Variants in LRRC34 observed in about 807,000 individuals in gnomAD.
LRRC34 encodes leucine rich repeat containing 34.
A neutral mutation model predicts 48.5 loss-of-function variants in LRRC34; 44 were observed. The observed-to-expected ratio is 0.91, with a 90% CI of 0.71 to 1.17. The LOEUF is 1.17. Among genes scored for constraint, LRRC34 ranks in the 50% most tolerant of loss-of-function variants. The pLI is 0.00. For synonymous variants in LRRC34, 192 were observed against 197.6 expected, an observed-to-expected ratio of 0.97 and a Z score of 0.24; for missense variants, 502 against 563.0, an observed-to-expected ratio of 0.89 and a Z score of 1.10.
At chr3:169,805,617 G>A (rs1428584925) in intron 5 of LRRC34, among the ~76,000 whole-genome samples, 3 of 152,060 alleles carry the variant, frequency 2.0e-5, no homozygotes, top group Non-Finnish European at 2.9e-5. Context: ...GGGTGAAGTG[G>A]CTCATGCCTG....
Position 169,800,724 on chromosome 3 carries a change from C to T in LRRC34, c.688G>A (p.Val230Ile), listed in dbSNP as rs1393067143. The part of the protein sequence containing the change: ...GMQSVIAFAT[V>I]LTQNQAIKAI... Reference sequence around the variant, plus strand: ...TTAATTGCTTGGTTTTGAGTTAGTACTGTAGCAAATGCTATCACACTTTGC... The same window carrying T: ...TTAATTGCTTGGTTTTGAGTTAGTATTGTAGCAAATGCTATCACACTTTGC... Residue 230 changes from valine (V) to isoleucine (I), a missense_variant, in exon 7 of 11, where the codon GTA becomes ATA. Val to Ile is a conservative substitution (Grantham distance 29). Transcript: ENST00000446859. 22 of 1,535,090 alleles carry T rather than the reference C, an allele frequency of 1.4e-5. No individual in the cohort carries two copies. The highest frequency in any genetic ancestry group is 4.1e-5 in the African/African-American group (3 of 73,008).
Position 169,793,267 on chromosome 3 carries a change from A to G in LRRC34, c.*368T>C, listed in dbSNP as rs1417470178. ...TGAAACCCTTTGAAAGTCACTGGTA[A>G]TTTTCTACCACAAACCTTTTTATTA... On this transcript the variant is annotated 3_prime_UTR_variant, in exon 11 of 11. Transcript: ENST00000446859. Among the ~76,000 whole-genome samples the G allele has an allele frequency of 6.6e-6, 1 of 152,146 alleles. No homozygotes were observed. Among genetic ancestry groups the G allele is most frequent in the Non-Finnish European group, 1.5e-5 (1 of 68,012 alleles).
Position 169,806,481 on chromosome 3 carries a change from C to A in LRRC34, c.528+367G>T, listed in dbSNP as rs116309888. ...TTAGTGACTGCCAGGGGCTGGAGAGCAGGGGGTAGAAAAGATGGAGAGGGA... is the reference window on the plus strand; with the variant it reads ...TTAGTGACTGCCAGGGGCTGGAGAGAAGGGGGTAGAAAAGATGGAGAGGGA... On this transcript the variant is annotated intron_variant, in intron 5 of 10. Transcript: ENST00000446859. Among the ~76,000 whole-genome samples the A allele has an allele frequency of 4.4e-3, 666 of 150,244 alleles. 2 individuals carry two copies. The highest frequency in any genetic ancestry group is 6.5e-3 in the Non-Finnish European group (443 of 67,744).
At position 169,812,318 on chromosome 3, in the gene LRRC34, G is replaced by A. The variant is rs756927053; in HGVS notation, c.139+92C>T. The A allele has an allele frequency of 2.1e-6, 3 of 1,410,988 alleles. No homozygotes were observed. The highest frequency in any genetic ancestry group is 1.8e-6 in the Non-Finnish European group (2 of 1,082,918). 87.4% of individuals were successfully genotyped at this position (1,410,988 alleles called of 1,614,324 possible). A position where few individuals can be genotyped will look rare whatever the true frequency, so the allele number is the denominator to read the frequency against. ...TCCCGCCTCGACGCCTTGGGCTGGC[G>A]GGCTGCTGGGAGGACTCCTGCCGTG... On this transcript the variant is annotated intron_variant, in intron 1 of 10. Coordinates refer to ENST00000446859, the MANE Select transcript of LRRC34 (RefSeq NM_001172779.2). This position sits in a 1 kb window ranked among gnomAD's most constrained non-coding sequence, Gnocchi z 4.3.
At chr3:169,802,671 C>T (rs1779236356) in intron 6 of LRRC34, among the ~76,000 whole-genome samples, 1 of 151,990 alleles carries the variant, frequency 6.6e-6, no homozygotes, top group Non-Finnish European at 1.5e-5. Flanking sequence ...CTGCATCTAC[C>T]ACCTTAAAAA....
At chr3:169,806,084 T>A (rs2108242050) in intron 5 of LRRC34, among the ~76,000 whole-genome samples, 1 of 152,246 alleles carries the variant, frequency 6.6e-6, no homozygotes, top group African/African-American at 2.4e-5. Flanking sequence ...AGGATAGACA[T>A]ACAGATTAAA....
chr3:169,804,191 A>G lies in LRRC34; in HGVS notation c.529-10T>C. 1 of 1,553,282 alleles carries G rather than the reference A, an allele frequency of 6.4e-7. No homozygotes were observed. The highest frequency in any genetic ancestry group is 2.0e-5 in the Admixed American group (1 of 50,980). On this transcript the variant is annotated splice_polypyrimidine_tract_variant and intron_variant, in intron 5 of 10. Transcript: ENST00000446859. ...TCAGAGTCCGATTCTTCTGAAAAGG[A>G]AAAAAAACTTATTTAATAATTGTTA...
intron 6 of LRRC34, among the ~76,000 whole-genome samples, chr3:169,802,234 T>C (rs1779218695): frequency 6.6e-6 from 1 of 152,168 alleles, no homozygotes; most frequent in African/African-American, 2.4e-5. Flanking sequence ...ACAGAAAGCA[T>C]CTGTAAAAAT....
chr3:169,808,039 G>C lies in LRRC34; in HGVS notation c.258-330C>G. The stretch of plus-strand genomic sequence containing the variant: ...TAGACTCACCCAGCTCAGGTTAGGC[G>C]TGGTGGTTCACGCCTGTAATCCCAG... On this transcript the variant is annotated intron_variant, in intron 2 of 10. Transcript: ENST00000446859. 2 of 207,184 alleles carry C rather than the reference G, an allele frequency of 9.7e-6. 1 individual carries two copies. Among genetic ancestry groups the C allele is most frequent in the South Asian group, 2.5e-4 (2 of 7,874 alleles). The allele number at this position is 207,184 out of a possible 1,614,324, so 12.8% of individuals were successfully genotyped here.
intron 4 of LRRC34, 100 bp downstream of exon 4, chr3:169,807,326 A>G (rs1212733660): frequency 3.5e-6 from 4 of 1,132,972 alleles, no homozygotes; most frequent in Non-Finnish European, 5.3e-6. Context: ...CAGAGTCAGG[A>G]CCCTTGACAT....
In LRRC34 at chr3:169,811,663, C is replaced by T. The variant is rs1437507951; in HGVS notation, c.139+747G>A. Among the ~76,000 whole-genome samples the T allele has an allele frequency of 6.6e-5, 10 of 152,204 alleles. 1 individual carries two copies. Among genetic ancestry groups the T allele is most frequent in the Admixed American group, 5.2e-4 (8 of 15,286 alleles). On this transcript the variant is annotated intron_variant, in intron 1 of 10. Transcript: ENST00000446859. ...ACTTAGGAGGTAGATCCCTCCAAAA[C>T]ATGCTTTTCTATACTTAGCCAAGCA...
chr3:169,810,795 T>C (rs1779534750), intron 1 of LRRC34, among the ~76,000 whole-genome samples: 1 of 152,248 alleles, frequency 6.6e-6, no homozygotes, highest in Non-Finnish European at 1.5e-5. Context: ...CCGGGTGCGG[T>C]GGCTTACGCC....
rs376612149 is a variant in LRRC34 at position 169,796,882 on chromosome 3, A to G, written c.771T>C (p.His257=). Residue 257 remains histidine (H), a synonymous_variant, in exon 8 of 11, where the codon CAT becomes CAC. Transcript: ENST00000446859. ...LYSEQEESTV[H]VGRMLKENHC... is the part of the protein sequence containing the mutation. ...GATTTTCTTTCAACATGCGGCCTAC[A>G]TGGACTGTAGACTCTTCCTAAAAGT... The G allele has an allele frequency of 8.3e-5, 133 of 1,601,900 alleles. No homozygotes were observed. Among genetic ancestry groups the G allele is most frequent in the Middle Eastern group, 1.6e-4 (1 of 6,062 alleles).
rs531503806 is a variant in LRRC34, at chr3:169,806,611, AAAC to A, written c.528+234_528+236del. ...CCCTGTGAATATATTAATACTTAAA[AAAC>A]CACTGAAGACTTTCAAAGGGTATAT... On this transcript the variant is annotated intron_variant, in intron 5 of 10. Transcript: ENST00000446859. Among the ~76,000 whole-genome samples the A allele has an allele frequency of 1.2e-3, 179 of 152,310 alleles. 1 individual carries two copies. Among genetic ancestry groups the A allele is most frequent in the Non-Finnish European group, 1.4e-3 (95 of 68,028 alleles).
intron 5 of LRRC34, among the ~76,000 whole-genome samples, chr3:169,806,303 A>C (rs528351937): frequency 1.3e-5 from 2 of 152,180 alleles, no homozygotes; most frequent in South Asian, 4.1e-4. Flanking sequence ...AAGAGCTAAA[A>C]CTGTAAAACT....
At chr3:169,803,334 C>T (rs1779261050) in intron 6 of LRRC34, among the ~76,000 whole-genome samples, 1 of 152,224 alleles carries the variant, frequency 6.6e-6, no homozygotes, top group Non-Finnish European at 1.5e-5. Context: ...CCCACCTCAG[C>T]CTCCTGAATA....
rs1247021897 is a variant in LRRC34, at chr3:169,808,677, G to C, written c.208C>G (p.Pro70Ala). The C allele has an allele frequency of 8.8e-6, 14 of 1,592,872 alleles. No homozygotes were observed. Among genetic ancestry groups the C allele is most frequent in the Admixed American group, 1.7e-5 (1 of 58,272 alleles). Residue 70 changes from proline (P) to alanine (A), a missense_variant, in exon 2 of 11, where the codon CCT becomes GCT. Coordinates refer to ENST00000446859, the MANE Select transcript of LRRC34 (RefSeq NM_001172779.2). ...TCTTGGAGTATATGCAATATAAAAG[G>C]ATTAATTTTCTGGGATTTTTCCATA... ...LCMEKSQKIN[P>A]FILHILQEVD...
Position 169,796,749 on chromosome 3 carries a change from T to C in LRRC34, c.904A>G (p.Ser302Gly), listed in dbSNP as rs1388984385. The change falls in exon 8 of 11, where the codon AGC (serine) becomes GGC (glycine). Residue 302 changes from serine to glycine, a missense_variant. Physicochemically the swap from Ser to Gly is moderately conservative, Grantham distance 56. Coordinates refer to ENST00000446859, the MANE Select transcript of LRRC34 (RefSeq NM_001172779.2). ...LNSSLRYLDV[S>G]CNKITHDGMV... ...AATGTGTAAATTATCACTTACCAGC[T>C]GACATCAAGGTAGCGCAGGCTACTG... The C allele has an allele frequency of 2.5e-6, 4 of 1,604,948 alleles. No individual in the cohort carries two copies. Among genetic ancestry groups the C allele is most frequent in the Non-Finnish European group, 3.4e-6 (4 of 1,177,630 alleles).
chr3:169,796,297 T>A lies in LRRC34; in HGVS notation c.981A>T (p.Ile327=), dbSNP rs1560595863. The A allele has an allele frequency of 6.2e-7, 1 of 1,612,726 alleles. No homozygotes were observed. The highest frequency in any genetic ancestry group is 8.5e-7 in the Non-Finnish European group (1 of 1,179,470). The change falls in exon 9 of 11, where the codon ATA becomes ATT. Residue 327 remains isoleucine, a synonymous_variant. Coordinates refer to ENST00000446859, the MANE Select transcript of LRRC34 (RefSeq NM_001172779.2). The stretch of plus-strand genomic sequence containing the variant: ...TTTCTATTCTGTTAAAGGAAAGATC[T>A]ATTACTTCCAGGGTAGTGTTGCTTT... ...VLKSNTTLEV[I]DLSFNRIENA...
Sources: allele counts gnomAD v4.1 joint callset (sites outside exome capture counted in the v4.1 genomes callset), GRCh38; gene constraint gnomAD v4.1.1; non-coding constraint Gnocchi (gnomAD v3.1); transcripts MANE v1.5; gene names NCBI Gene and HGNC (gene_info 2026-07-23, HGNC 2026-07-21).